Variants in ERC2 observed in about 807,000 individuals in gnomAD.
ERC2 encodes ERC protein 2.
In ERC2, 42 loss-of-function variants were observed where a neutral mutation model predicts 114.8. That is an observed-to-expected ratio of 0.37 (90% CI 0.29 to 0.47). The LOEUF is 0.47. ERC2 is among the 20% of genes least tolerant of loss of function. The pLI is 0.99. For missense variants in ERC2, 939 were observed against 1,150.7 expected (o/e 0.82, Z 2.66); for synonymous variants, 454 against 425.5 (o/e 1.07, Z -0.82).
At chr3:56,200,294 G>A (rs2048337269) in intron 3 of ERC2, among the ~76,000 whole-genome samples, 1 of 150,642 alleles carries the variant, frequency 6.6e-6, no homozygotes, top group Non-Finnish European at 1.5e-5. Flanking sequence ...ACAGAATCCA[G>A]GACTATTCTC....
chr3:56,254,058 G>T (rs955973330), intron 3 of ERC2, among the ~76,000 whole-genome samples: 1 of 152,252 alleles, frequency 6.6e-6, no homozygotes, highest in Non-Finnish European at 1.5e-5. Context: ...CCAGACTAAA[G>T]TATTGTCAGT....
intron 13 of ERC2, among the ~76,000 whole-genome samples, chr3:55,901,122 G>A (rs184766596): frequency 7.2e-5 from 11 of 152,324 alleles, no homozygotes; most frequent in South Asian, 2.1e-4. Context: ...CAACAAATGC[G>A]TGGATGAACA....
At chr3:55,996,436 GA>G (rs1559993647) in intron 10 of ERC2, among the ~76,000 whole-genome samples, 1 of 152,128 alleles carries the variant, frequency 6.6e-6, no homozygotes, top group Non-Finnish European at 1.5e-5. Context: ...TAATTCCACT[GA>G]TTAAACAGGT....
intron 12 of ERC2, among the ~76,000 whole-genome samples, chr3:55,956,136 A>G (rs1559929785): frequency 6.6e-6 from 1 of 152,198 alleles, no homozygotes; most frequent in Non-Finnish European, 1.5e-5. Context: ...CTTTTTACCC[A>G]TTTCAGAACA....
At chr3:56,395,119 G>T (rs2060260042) in intron 2 of ERC2, among the ~76,000 whole-genome samples, 1 of 152,024 alleles carries the variant, frequency 6.6e-6, no homozygotes, top group South Asian at 2.1e-4. Context: ...TGATTGCCTA[G>T]GCCAGGGGGA....
intron 14 of ERC2, among the ~76,000 whole-genome samples, chr3:55,835,187 G>A (rs544084407): frequency 2.6e-5 from 4 of 152,236 alleles, no homozygotes; most frequent in African/African-American, 9.6e-5. Context: ...GGAGGAACTG[G>A]TACCATTCCT....
intron 2 of ERC2, among the ~76,000 whole-genome samples, chr3:56,386,067 T>C (rs1182961828): frequency 3.9e-5 from 6 of 152,246 alleles, no homozygotes; most frequent in Middle Eastern, 6.8e-3. Context: ...GTTGGTTCAG[T>C]ATGAATAAAA....
chr3:56,378,195 G>T (rs2106681015), intron 2 of ERC2, among the ~76,000 whole-genome samples: 1 of 150,140 alleles, frequency 6.7e-6, no homozygotes, highest in South Asian at 2.1e-4. Flanking sequence ...TGATAGACTG[G>T]ATTAAGAAAA....
intron 17 of ERC2, among the ~76,000 whole-genome samples, chr3:55,679,428 T>C (rs1365934118): frequency 2.0e-5 from 3 of 152,220 alleles, no homozygotes; most frequent in African/African-American, 7.2e-5. Flanking sequence ...AGTATCTTTC[T>C]GGTTTCCATC....
chr3:56,455,253 T>A (rs1028813339), intron 1 of ERC2, among the ~76,000 whole-genome samples: 2 of 150,618 alleles, frequency 1.3e-5, no homozygotes, highest in East Asian at 1.9e-4. Context: ...AAAATAAATT[T>A]AAAAAAAAGA....
intron 17 of ERC2, among the ~76,000 whole-genome samples, chr3:55,652,740 G>T (rs1575952256): frequency 6.6e-6 from 1 of 151,710 alleles, no homozygotes; most frequent in Non-Finnish European, 1.5e-5. Flanking sequence ...TGGGCGTGAT[G>T]GCAGGTGCCT....
intron 3 of ERC2, among the ~76,000 whole-genome samples, chr3:56,261,697 CT>C (rs908278730): frequency 8.6e-5 from 13 of 151,600 alleles, no homozygotes; most frequent in South Asian, 2.1e-4. Flanking sequence ...TTATTCTTTA[CT>C]TTTTTTTTAA....
intron 2 of ERC2, among the ~76,000 whole-genome samples, chr3:56,305,329 A>G (rs1440987045): frequency 1.3e-5 from 2 of 152,166 alleles, no homozygotes; most frequent in Non-Finnish European, 2.9e-5. Flanking sequence ...CTATAATTCA[A>G]TAAAAAAGTA....
intron 14 of ERC2, among the ~76,000 whole-genome samples, chr3:55,802,350 T>C (rs1041569485): frequency 6.6e-6 from 1 of 152,208 alleles, no homozygotes. Context: ...TTATTTAGAA[T>C]AGTTATCTTG....
intron 14 of ERC2, among the ~76,000 whole-genome samples, chr3:55,761,524 C>CA (rs1350432761): frequency 3.3e-5 from 5 of 152,050 alleles, no homozygotes; most frequent in African/African-American, 7.2e-5. Context: ...AGCGTGAAAG[C>CA]AGCCATGACA....
chr3:56,242,718 A>G, intron 3 of ERC2, among the ~76,000 whole-genome samples: 1 of 152,134 alleles, frequency 6.6e-6, no homozygotes, highest in East Asian at 1.9e-4. Context: ...CAAGGAAAAA[A>G]AGGAGGAATT....
At chr3:55,603,125 T>G (rs1200556840) in intron 17 of ERC2, among the ~76,000 whole-genome samples, 2 of 152,164 alleles carry the variant, frequency 1.3e-5, no homozygotes, top group Non-Finnish European at 2.9e-5. Flanking sequence ...TTAAGAAGCA[T>G]TTCCCCCTTC....
intron 3 of ERC2, among the ~76,000 whole-genome samples, chr3:56,271,668 C>T (rs2053659820): frequency 6.6e-6 from 1 of 152,032 alleles, no homozygotes; most frequent in Admixed American, 6.6e-5. Context: ...AAGGAAATTG[C>T]ATGTTGCAGG....
chr3:55,941,490 G>A (rs1480006112), intron 13 of ERC2, among the ~76,000 whole-genome samples: 1 of 152,134 alleles, frequency 6.6e-6, no homozygotes, highest in African/African-American at 2.4e-5. Context: ...GGCCTTTGCT[G>A]CAACTACATT....
Sources: gnomAD v4.1 joint callset for allele counts (sites outside exome capture counted in the v4.1 genomes callset) on GRCh38, gnomAD v4.1.1 for gene constraint, MANE v1.5 for transcripts, NCBI Gene and HGNC (gene_info 2026-07-23, HGNC 2026-07-21) for gene names.